The following ELAVL4 variants were observed in gnomAD, a reference collection of about 807,000 sequenced individuals.
ELAVL4 encodes ELAV like RNA binding protein 4.
Under a neutral mutation model 35.6 loss-of-function variants are expected in ELAVL4, and 1 was observed. That is an observed-to-expected ratio of 0.03 (90% CI 0.01 to 0.13). The LOEUF (loss-of-function observed/expected upper bound fraction) is 0.13, where lower values mean the gene tolerates loss of function less well. Among genes scored for constraint, ELAVL4 ranks in the 10% least tolerant of loss-of-function variants. The probability of loss-of-function intolerance (pLI) is 1.00; values close to 1 mark genes in which losing one functional copy is unlikely to be tolerated. For synonymous variants in ELAVL4, 156 were observed against 171.0 expected, an observed-to-expected ratio of 0.91 and a Z score of 0.69; for missense variants, 267 against 464.9, an observed-to-expected ratio of 0.57 and a Z score of 3.91.
At chr1:50,189,712 CATA>C (rs1219212879) in intron 3 of ELAVL4, among the ~76,000 whole-genome samples, 2 of 152,158 alleles carry the variant, frequency 1.3e-5, no homozygotes, top group Non-Finnish European at 2.9e-5. Context: ...TGACTCATCA[CATA>C]ATAATATGTG....
intron 1 of ELAVL4, among the ~76,000 whole-genome samples, chr1:50,066,894 A>G (rs1664289447): frequency 6.6e-6 from 1 of 152,214 alleles, no homozygotes; most frequent in Non-Finnish European, 1.5e-5. Flanking sequence ...TTCTAAATAT[A>G]GCATGTCCCA....
At chr1:50,131,129 A>C (rs1201626094) in intron 1 of ELAVL4, among the ~76,000 whole-genome samples, 2 of 152,172 alleles carry the variant, frequency 1.3e-5, no homozygotes, top group Admixed American at 1.3e-4. Context: ...CATGTATTAT[A>C]TCCATTTGAT....
chr1:50,056,566 A>G (rs916396253), intron 1 of ELAVL4, among the ~76,000 whole-genome samples: 16 of 152,242 alleles, frequency 1.1e-4, no homozygotes, highest in Non-Finnish European at 1.9e-4. Flanking sequence ...TGTACAGTAT[A>G]TAACACTTGA....
At chr1:50,104,052 G>C, upstream of ELAVL4, 3 of 1,601,854 alleles carry the variant, frequency 1.9e-6, no homozygotes, top group East Asian at 6.7e-5. Context: ...ACCGTCAATG[G>C]GTGGTATTGA....
chr1:50,101,356 C>G (rs1453902215), upstream of ELAVL4, among the ~76,000 whole-genome samples: 1 of 152,160 alleles, frequency 6.6e-6, no homozygotes, highest in Non-Finnish European at 1.5e-5. Flanking sequence ...GCTTTGCTTT[C>G]CAGCTTTAAT....
chr1:50,132,072 G>T (rs1670951478), intron 1 of ELAVL4, among the ~76,000 whole-genome samples: 1 of 152,060 alleles, frequency 6.6e-6, no homozygotes, highest in South Asian at 2.1e-4. Flanking sequence ...TAAGTATTCC[G>T]ATACTTGTGA....
At chr1:50,198,814 C>T (rs536605901) in intron 6 of ELAVL4, among the ~76,000 whole-genome samples, 2 of 152,240 alleles carry the variant, frequency 1.3e-5, no homozygotes, top group Non-Finnish European at 2.9e-5. Context: ...TAATAGCATT[C>T]TCTTTTCCTA....
intron 2 of ELAVL4, among the ~76,000 whole-genome samples, chr1:50,169,342 G>T (rs1177710508): frequency 6.6e-6 from 1 of 152,042 alleles, no homozygotes; most frequent in Non-Finnish European, 1.5e-5. Flanking sequence ...GCAATACTTT[G>T]TATCCTTCAG....
At chr1:50,139,528 A>G (rs1672463008) in intron 1 of ELAVL4, among the ~76,000 whole-genome samples, 1 of 152,216 alleles carries the variant, frequency 6.6e-6, no homozygotes. Context: ...CTGTATCCCC[A>G]GAGTTCAGCA....
upstream of ELAVL4, among the ~76,000 whole-genome samples, chr1:50,108,177 G>T (rs1666507773): frequency 1.3e-5 from 2 of 152,122 alleles, no homozygotes; most frequent in Admixed American, 6.5e-5. Context: ...GTTTTGAAAA[G>T]CTCAGACAGA....
intron 1 of ELAVL4, among the ~76,000 whole-genome samples, chr1:50,085,408 G>A (rs1198737893): frequency 6.6e-6 from 1 of 152,206 alleles, no homozygotes; most frequent in Non-Finnish European, 1.5e-5. Flanking sequence ...GGAGGCCAAG[G>A]TAGGAGGATG....
chr1:50,080,669 G>A (rs545204671), intron 1 of ELAVL4, among the ~76,000 whole-genome samples: 3 of 152,236 alleles, frequency 2.0e-5, no homozygotes, highest in African/African-American at 7.2e-5. Context: ...GTGTCTTTGG[G>A]CATGTCGTTT....
At chr1:50,156,131 A>C (rs1184898996) in intron 2 of ELAVL4, among the ~76,000 whole-genome samples, 1 of 152,198 alleles carries the variant, frequency 6.6e-6, no homozygotes, top group East Asian at 1.9e-4. Flanking sequence ...TTCTGGTCAG[A>C]AATACCAAAC....
At chr1:50,070,774 G>A (rs899593782) in intron 1 of ELAVL4, among the ~76,000 whole-genome samples, 8 of 149,568 alleles carry the variant, frequency 5.3e-5, no homozygotes, top group Non-Finnish European at 8.9e-5. Flanking sequence ...ACTACTAAAC[G>A]GTGACGTTTC....
At chr1:50,197,094 C>T (rs1229751175) in intron 5 of ELAVL4, among the ~76,000 whole-genome samples, 1 of 152,016 alleles carries the variant, frequency 6.6e-6, no homozygotes, top group Non-Finnish European at 1.5e-5. Context: ...AAAAGGTGAA[C>T]AATTTAAGAA....
chr1:50,093,547 C>T (rs1665583338), intron 1 of ELAVL4, among the ~76,000 whole-genome samples: 1 of 152,172 alleles, frequency 6.6e-6, no homozygotes, highest in Non-Finnish European at 1.5e-5. Flanking sequence ...CCTGGTTTGC[C>T]ATTACTGGTT....
chr1:50,088,812 C>T (rs1002463444), intron 1 of ELAVL4, among the ~76,000 whole-genome samples: 1 of 152,176 alleles, frequency 6.6e-6, no homozygotes, highest in Non-Finnish European at 1.5e-5. Context: ...AGCCAGTCAG[C>T]ACCTCTCATA....
chr1:50,049,649 G>T (rs1245031413), intron 1 of ELAVL4, among the ~76,000 whole-genome samples: 1 of 152,128 alleles, frequency 6.6e-6, no homozygotes, highest in Non-Finnish European at 1.5e-5. Flanking sequence ...TGGCACTGTG[G>T]CTTATGGGGT....
intron 2 of ELAVL4, among the ~76,000 whole-genome samples, chr1:50,158,051 T>C (rs1231014498): frequency 6.6e-6 from 1 of 152,208 alleles, no homozygotes; most frequent in African/African-American, 2.4e-5. Context: ...ATTTACTAGC[T>C]GTGTAACAGG....
Sources: allele counts gnomAD v4.1 joint callset (sites outside exome capture counted in the v4.1 genomes callset), GRCh38; gene constraint gnomAD v4.1.1; transcripts MANE v1.5; gene names NCBI Gene and HGNC (gene_info 2026-07-23, HGNC 2026-07-21).